The following PEX14 variants were observed in gnomAD, a reference collection of about 807,000 sequenced individuals.
The protein encoded by PEX14 is peroxisomal biogenesis factor 14.
PEX14 carries 15 observed loss-of-function variants against 49.5 expected under a neutral mutation model. The ratio of observed to expected loss-of-function variants is 0.30; its 90% confidence interval spans 0.20 to 0.47. PEX14 has a LOEUF of 0.47. PEX14 is among the 20% of genes least tolerant of loss of function. PEX14 has a pLI of 1.00. For synonymous variants in PEX14, 210 were observed against 212.7 expected (o/e 0.99, Z 0.11); for missense variants, 398 against 494.8 (o/e 0.80, Z 1.86).
At chr1:10,480,876 T>A (rs1641272791) in intron 1 of PEX14, among the ~76,000 whole-genome samples, 4 of 151,698 alleles carry the variant, frequency 2.6e-5, no homozygotes, top group East Asian at 1.9e-4. Flanking sequence ...TATATTTTTT[T>A]TTTTGGAAGG....
Position 10,529,421 on chromosome 1 carries a change from A to G in PEX14, c.85-6792A>G, listed in dbSNP as rs1339591810. 1.3e-5 allele frequency among the ~76,000 whole-genome samples: 2 copies of G among 152,228 alleles called. No individual in the cohort carries two copies. The highest frequency in any genetic ancestry group is 4.8e-5 in the African/African-American group (2 of 41,458). Reference sequence around the variant, plus strand: ...TCTCCAAAGTCACCCTTACGTCCCTAAGATCACTGTCCCTTGACATTAAAT... The same window carrying G: ...TCTCCAAAGTCACCCTTACGTCCCTGAGATCACTGTCCCTTGACATTAAAT... On this transcript the variant is annotated intron_variant, in intron 2 of 8. Transcript: ENST00000356607. The surrounding 1 kb of genome is among the most constrained non-coding windows in gnomAD (Gnocchi z 4.2).
intron 3 of PEX14, among the ~76,000 whole-genome samples, chr1:10,547,928 CTTG>C (rs1025128488): frequency 1.3e-5 from 2 of 152,086 alleles, no homozygotes; most frequent in Non-Finnish European, 2.9e-5. Context: ...TTTAAGAAAA[CTTG>C]TTGGCTGGGT....
intron 2 of PEX14, among the ~76,000 whole-genome samples, chr1:10,528,942 A>G (rs1433306254): frequency 3.3e-5 from 5 of 152,310 alleles, no homozygotes; most frequent in South Asian, 2.1e-4. Flanking sequence ...TCTTTTCAGT[A>G]TGAAGGCTAT....
intron 2 of PEX14, among the ~76,000 whole-genome samples, chr1:10,519,798 C>T (rs1172471379): frequency 6.6e-6 from 1 of 152,136 alleles, no homozygotes; most frequent in Non-Finnish European, 1.5e-5. Flanking sequence ...TGTTTTTGGA[C>T]ACAGGGACTT....
chr1:10,598,528 C>A (rs1296531199), intron 3 of PEX14, among the ~76,000 whole-genome samples: 1 of 152,190 alleles, frequency 6.6e-6, no homozygotes, highest in Admixed American at 6.5e-5. Flanking sequence ...TTCCTGATGT[C>A]CCATGTATGG....
At chr1:10,588,849 A>G (rs1483341595) in intron 3 of PEX14, among the ~76,000 whole-genome samples, 3 of 152,214 alleles carry the variant, frequency 2.0e-5, no homozygotes, top group African/African-American at 7.2e-5. Context: ...TCTTGACTTA[A>G]TAAGGAAAGA....
intron 1 of PEX14, among the ~76,000 whole-genome samples, chr1:10,478,602 T>C (rs577461348): frequency 3.8e-4 from 58 of 152,308 alleles, no homozygotes; most frequent in African/African-American, 1.4e-3. Context: ...ATCTATTGAT[T>C]GAGACAGGGT....
chr1:10,508,442 C>T (rs1303210147), intron 2 of PEX14, among the ~76,000 whole-genome samples: 2 of 152,166 alleles, frequency 1.3e-5, no homozygotes, highest in South Asian at 2.1e-4. Flanking sequence ...CTCCTGACCT[C>T]GGCCTCCCAA....
intron 2 of PEX14, among the ~76,000 whole-genome samples, chr1:10,517,370 A>G (rs1449970697): frequency 6.6e-6 from 1 of 152,132 alleles, no homozygotes; most frequent in African/African-American, 2.4e-5. Context: ...TCAGATAGGC[A>G]CTGATCGGGT....
At chr1:10,575,604 A>G (rs976752449) in intron 3 of PEX14, among the ~76,000 whole-genome samples, 1 of 152,202 alleles carries the variant, frequency 6.6e-6, no homozygotes, top group African/African-American at 2.4e-5. Context: ...AAATTTGGCC[A>G]CTTGGAAAAT....
At chr1:10,587,186 G>C (rs1230014004) in intron 3 of PEX14, among the ~76,000 whole-genome samples, 1 of 152,136 alleles carries the variant, frequency 6.6e-6, no homozygotes, top group Non-Finnish European at 1.5e-5. Flanking sequence ...GCTGTGTGTG[G>C]TGGCTCACGC....
rs184351605 is a variant in PEX14, at chr1:10,613,061, C to T, written c.299-5271C>T. On this transcript the variant is annotated intron_variant, in intron 4 of 8. Transcript: ENST00000356607. This position sits in a 1 kb window ranked among gnomAD's most constrained non-coding sequence, Gnocchi z 5.0. ...TCGGCAGGATGGTTCCGTGACAGCT[C>T]TCAGCTCTGTGTTGCCGATGAACCT... 6.6e-6 allele frequency among the ~76,000 whole-genome samples: 1 copy of T among 152,332 alleles called. No individual in the cohort carries two copies. The highest frequency in any genetic ancestry group is 1.5e-5 in the Non-Finnish European group (1 of 68,028).
rs1233911700 is a variant in PEX14 at position 10,539,919 on chromosome 1, C to G, written c.169+3622C>G. ...TCTAACATATCTGTTGCAAAGCAAGCTTCTAGGAAAGACAAACATCATCTA... is the reference window on the plus strand; with the variant it reads ...TCTAACATATCTGTTGCAAAGCAAGGTTCTAGGAAAGACAAACATCATCTA... On this transcript the variant is annotated intron_variant, in intron 3 of 8. Transcript: ENST00000356607. This position sits in a 1 kb window ranked among gnomAD's most constrained non-coding sequence, Gnocchi z 4.6. Among the ~76,000 whole-genome samples the G allele has an allele frequency of 6.6e-6, 1 of 152,142 alleles. No homozygotes were observed. Among genetic ancestry groups the G allele is most frequent in the African/African-American group, 2.4e-5 (1 of 41,412 alleles).
chr1:10,589,478 C>G (rs1640596275), intron 3 of PEX14, among the ~76,000 whole-genome samples: 1 of 152,194 alleles, frequency 6.6e-6, no homozygotes, highest in Non-Finnish European at 1.5e-5. Flanking sequence ...CTCAAACCTC[C>G]TGGGCTCAAG....
chr1:10,594,003 A>G (rs1485994663), intron 3 of PEX14, among the ~76,000 whole-genome samples: 2 of 152,202 alleles, frequency 1.3e-5, no homozygotes, highest in Middle Eastern at 3.2e-3. Flanking sequence ...GAAATACAGC[A>G]CAGCTTTCCA....
In PEX14 at chr1:10,515,115, C is replaced by T. The variant is rs191229079; in HGVS notation, c.84+19794C>T. On this transcript the variant is annotated intron_variant, in intron 2 of 8. Transcript: ENST00000356607. ...CATGGATCTGTGCCAGGCTTCACCA[C>T]AATTCATACTGTGTCAGTTTAATAA... is the stretch of plus-strand genomic sequence containing the variant. Among the ~76,000 whole-genome samples, 388 of 152,254 alleles carry T rather than the reference C, an allele frequency of 2.5e-3. 1 individual carries two copies. Among genetic ancestry groups the T allele is most frequent in the Non-Finnish European group, 4.6e-3 (312 of 68,022 alleles).
At chr1:10,567,638 G>T (rs990092769) in intron 3 of PEX14, among the ~76,000 whole-genome samples, 7 of 151,998 alleles carry the variant, frequency 4.6e-5, no homozygotes, top group African/African-American at 1.7e-4. Flanking sequence ...GGGATTACAC[G>T]CATGCACCAC....
chr1:10,504,210 C>T (rs1380153737), intron 2 of PEX14, among the ~76,000 whole-genome samples: 3 of 152,204 alleles, frequency 2.0e-5, no homozygotes, highest in Non-Finnish European at 2.9e-5. Flanking sequence ...TCCTTCTTCC[C>T]TCCCAGCTCT....
chr1:10,540,439 C>T (rs1457706410), intron 3 of PEX14, among the ~76,000 whole-genome samples: 2 of 152,040 alleles, frequency 1.3e-5, no homozygotes, highest in African/African-American at 4.8e-5. Flanking sequence ...TTAATAGCTC[C>T]GTCATTACTG....
Sources: allele counts gnomAD v4.1 joint callset (sites outside exome capture counted in the v4.1 genomes callset), GRCh38; gene constraint gnomAD v4.1.1; non-coding constraint Gnocchi (gnomAD v3.1); transcripts MANE v1.5; gene names NCBI Gene and HGNC (gene_info 2026-07-23, HGNC 2026-07-21).